Variants in SH3KBP1 observed in about 807,000 individuals in gnomAD.
The protein encoded by SH3KBP1 is SH3 domain-containing kinase-binding protein 1.
SH3KBP1 carries 8 observed loss-of-function variants against 50.1 expected under a neutral mutation model. The ratio of observed to expected loss-of-function variants is 0.16; its 90% CI spans 0.09 to 0.29. SH3KBP1 has a LOEUF of 0.29. Among genes scored for constraint, SH3KBP1 ranks in the 10% least tolerant of loss-of-function variants. The pLI is 1.00. For synonymous variants in SH3KBP1, 227 were observed against 218.6 expected (o/e 1.04, Z -0.34); for missense variants, 377 against 535.2 (o/e 0.70, Z 2.92).
intron 2 of SH3KBP1, among the ~76,000 whole-genome samples, chrX:19,823,372 C>T (rs898184106): frequency 3.6e-5 from 4 of 112,191 alleles, no homozygotes; most frequent in Admixed American, 2.8e-4. Flanking sequence ...GGAAGAATAA[C>T]CCACTTCCAA....
chrX:19,605,284 C>T (rs1370509189), intron 9 of SH3KBP1, among the ~76,000 whole-genome samples: 4 of 111,316 alleles, frequency 3.6e-5, no homozygotes, highest in Non-Finnish European at 5.6e-5. Flanking sequence ...CAAATAACGA[C>T]GTGAGGTAAT....
chrX:19,548,818 G>T (rs2065155855), intron 14 of SH3KBP1, among the ~76,000 whole-genome samples: 1 of 50,923 alleles, frequency 2.0e-5, no homozygotes, highest in African/African-American at 1.5e-4. Context: ...TGTGCTATAT[G>T]GAAATAAAGA....
At chrX:19,643,879 G>A (rs2148387578) in intron 7 of SH3KBP1, among the ~76,000 whole-genome samples, 1 of 111,875 alleles carries the variant, frequency 8.9e-6, no homozygotes, top group South Asian at 3.8e-4. Flanking sequence ...ATGATGAAGA[G>A]GAAGGCCAAA....
At chrX:19,554,306 TA>T (rs1391517215) in intron 13 of SH3KBP1, among the ~76,000 whole-genome samples, 1 of 89,912 alleles carries the variant, frequency 1.1e-5, no homozygotes, top group Non-Finnish European at 2.1e-5. Context: ...TATATCATAT[TA>T]AAATATACAT....
intron 1 of SH3KBP1, among the ~76,000 whole-genome samples, chrX:19,886,180 G>A (rs1202420104): frequency 8.9e-6 from 1 of 112,083 alleles, no homozygotes; most frequent in Non-Finnish European, 1.9e-5. Flanking sequence ...CCACAAATGG[G>A]ATTTTAACTT....
intron 12 of SH3KBP1, among the ~76,000 whole-genome samples, chrX:19,587,486 T>C (rs760129755): frequency 1.8e-5 from 2 of 112,164 alleles, no homozygotes; most frequent in African/African-American, 3.2e-5. Context: ...AATTTTTACA[T>C]TGTGTGTATT....
At chrX:19,619,352 A>T (rs192905681) in intron 8 of SH3KBP1, among the ~76,000 whole-genome samples, 1 of 112,717 alleles carries the variant, frequency 8.9e-6, no homozygotes, top group Non-Finnish European at 1.9e-5. Flanking sequence ...TATAGACAGG[A>T]CCTTCCCAAT....
chrX:19,643,086 C>T (rs2061897781), intron 7 of SH3KBP1, among the ~76,000 whole-genome samples: 1 of 109,678 alleles, frequency 9.1e-6, no homozygotes, highest in South Asian at 3.9e-4. Context: ...AGGGTCATTT[C>T]TAATATGTAG....
At chrX:19,774,568 G>A (rs1195979421) in intron 2 of SH3KBP1, among the ~76,000 whole-genome samples, 2 of 107,984 alleles carry the variant, frequency 1.9e-5, no homozygotes, top group African/African-American at 6.8e-5. Flanking sequence ...CTACTCAGGA[G>A]GCTGAGGCAG....
intron 6 of SH3KBP1, among the ~76,000 whole-genome samples, chrX:19,668,974 A>C (rs377099844): frequency 1.6e-5 from 1 of 63,872 alleles, no homozygotes; most frequent in African/African-American, 5.4e-5. Context: ...ATATATATAT[A>C]TTTTTTGAGA....
chrX:19,849,677 C>A (rs184946032), intron 1 of SH3KBP1, among the ~76,000 whole-genome samples: 105 of 64,369 alleles, frequency 1.6e-3, no homozygotes, highest in Non-Finnish European at 2.4e-3. Context: ...GCCTGGGTAG[C>A]AGAGTGAAAA....
intron 14 of SH3KBP1, among the ~76,000 whole-genome samples, chrX:19,548,825 A>AAG (rs61301072): frequency 2.7e-3 from 281 of 102,454 alleles, no homozygotes; most frequent in Middle Eastern, 0.02. Flanking sequence ...TATGGAAATA[A>AAG]AGAGAGAGAG....
intron 2 of SH3KBP1, among the ~76,000 whole-genome samples, chrX:19,773,549 A>C (rs1456434999): frequency 1.9e-5 from 2 of 106,942 alleles, no homozygotes; most frequent in Non-Finnish European, 1.9e-5. Flanking sequence ...ACACACACAC[A>C]CCCCCCTATA....
intron 9 of SH3KBP1, among the ~76,000 whole-genome samples, chrX:19,599,952 G>A (rs888402964): frequency 2.7e-5 from 3 of 109,665 alleles, no homozygotes; most frequent in East Asian, 2.9e-4. Flanking sequence ...TCGAAACCAC[G>A]GTGAAACGCC....
intron 1 of SH3KBP1, among the ~76,000 whole-genome samples, chrX:19,866,837 A>T (rs899068537): frequency 1.8e-5 from 2 of 111,222 alleles, no homozygotes; most frequent in Admixed American, 1.9e-4. Context: ...GGCGTCACTG[A>T]TGATTTTACC....
At chrX:19,722,096 T>C (rs2064071341) in intron 3 of SH3KBP1, among the ~76,000 whole-genome samples, 1 of 112,520 alleles carries the variant, frequency 8.9e-6, no homozygotes. Flanking sequence ...ACTCTGTTCA[T>C]TGGAATGCTT....
intron 12 of SH3KBP1, among the ~76,000 whole-genome samples, chrX:19,573,878 T>A (rs949224686): frequency 6.3e-5 from 7 of 111,545 alleles, no homozygotes; most frequent in Admixed American, 5.7e-4. Flanking sequence ...TTGGCCGGGT[T>A]ACTTAACCTC....
At chrX:19,575,123 C>A (rs2066157961) in intron 12 of SH3KBP1, among the ~76,000 whole-genome samples, 1 of 112,760 alleles carries the variant, frequency 8.9e-6, no homozygotes, top group East Asian at 2.8e-4. Flanking sequence ...GCCACAAGGG[C>A]ATTTTGTCTT....
At chrX:19,577,791 G>T (rs1224200951) in intron 12 of SH3KBP1, among the ~76,000 whole-genome samples, 3 of 111,048 alleles carry the variant, frequency 2.7e-5, no homozygotes, top group Non-Finnish European at 5.7e-5. Flanking sequence ...GAGCAAGGAT[G>T]AAAGAAGAAA....
Sources: gnomAD v4.1 joint callset for allele counts (sites outside exome capture counted in the v4.1 genomes callset) on GRCh38, gnomAD v4.1.1 for gene constraint, MANE v1.5 for transcripts, NCBI Gene and HGNC (gene_info 2026-07-23, HGNC 2026-07-21) for gene names.